Variants in FLG observed in about 807,000 individuals in gnomAD.
FLG encodes the protein epidermal filaggrin.
Under a neutral mutation model 3.8 loss-of-function variants are expected in FLG, and 6 were observed. That is an observed-to-expected ratio of 1.60 (90% confidence interval 0.87 to 3.15). The LOEUF is 3.15. Among genes scored for constraint, FLG ranks in the 30% most tolerant of loss-of-function variants. The pLI, the probability that FLG is intolerant of heterozygous loss-of-function variation, is 0.00. For synonymous variants in FLG, 2,551 were observed against 1,931.6 expected, an observed-to-expected ratio of 1.32 and a Z score of -8.41; for missense variants, 7,595 against 5,050.9, an observed-to-expected ratio of 1.50 and a Z score of -15.27.
chr1:152,305,413 G>A lies in FLG; in HGVS notation c.9473C>T (p.Ser3158Phe). 1 of 1,603,542 alleles carries A rather than the reference G, an allele frequency of 6.2e-7. No individual in the cohort carries two copies. The change falls in exon 3 of 3, where the codon TCC (serine) becomes TTC (phenylalanine). Residue 3158 changes from serine (S) to phenylalanine (F), a missense_variant. By Grantham distance (155) the Ser-to-Phe change is radical. Transcript: ENST00000368799. ...ACGTGTTGTTCTGCTTGCACTTCTG[G>A]ATCCTGACTGCCCACGGGAGGCATC... is the stretch of plus-strand genomic sequence containing the variant. Reference protein sequence around the residue: ...RSDASRGQSGSRSASRTTRNE... With the variant: ...RSDASRGQSGFRSASRTTRNE...
Position 152,308,426 on chromosome 1 carries a change from G to T in FLG, c.6460C>A (p.Gln2154Lys). The change falls in exon 3 of 3, where the codon CAA becomes AAA. Residue 2154 changes from glutamine (Q) to lysine (K), a missense_variant. Coordinates refer to ENST00000368799, the MANE Select transcript of FLG (RefSeq NM_002016.2). ...PSRGGRQGSH[Q>K]EQSVDRSGHS... ...CCAGACCTATCTACCGATTGCTCTTGGTGGGACCCCTGTCTTCCTCCTCTG... is the reference window on the plus strand; with the variant it reads ...CCAGACCTATCTACCGATTGCTCTTTGTGGGACCCCTGTCTTCCTCCTCTG... The T allele has an allele frequency of 9.3e-6, 15 of 1,613,716 alleles. No individual in the cohort carries two copies. Among genetic ancestry groups the T allele is most frequent in the Non-Finnish European group, 1.3e-5 (15 of 1,179,854 alleles).
In FLG at chr1:152,309,456, C is replaced by T. The variant is rs1315567892; in HGVS notation, c.5430G>A (p.Gln1810=). ...SSRHSASQEG[Q]DTIRGHPGSS... ...ACCCTGGGTGTCCACGAATGGTGTC[C>T]TGACCCTCTTGGGACGCTGAGTGCC... is the stretch of plus-strand genomic sequence containing the variant. The change falls in exon 3 of 3, where the codon CAG becomes CAA. Residue 1810 remains glutamine, a synonymous_variant. Transcript: ENST00000368799. 1 of 1,613,140 alleles carries T rather than the reference C, an allele frequency of 6.2e-7. No homozygotes were observed. Among genetic ancestry groups the T allele is most frequent in the Non-Finnish European group, 8.5e-7 (1 of 1,179,902 alleles).
At chr1:152,321,178 T>A (rs1014729686) in intron 1 of FLG, among the ~76,000 whole-genome samples, 98 of 150,824 alleles carry the variant, frequency 6.5e-4, no homozygotes, top group Admixed American at 4.1e-3. Context: ...ACTGTTATCA[T>A]TTTTTATGTG....
chr1:152,307,123 G>A lies in FLG; in HGVS notation c.7763C>T (p.Ser2588Phe), dbSNP rs1652023687. The A allele has an allele frequency of 1.9e-6, 3 of 1,612,102 alleles. No homozygotes were observed. The highest frequency in any genetic ancestry group is 2.5e-6 in the Non-Finnish European group (3 of 1,179,904). ...EDSERWSGSA[S>F]RNHHGSAQEQ... is the part of the protein sequence containing the mutation. ...CTGAGCAGATCCATGATGGTTTCTG[G>A]AAGCAGACCCAGACCACCTCTCAGA... The change falls in exon 3 of 3, where the codon TCC becomes TTC. Residue 2588 changes from serine (S) to phenylalanine (F), a missense_variant. Coordinates refer to ENST00000368799, the MANE Select transcript of FLG (RefSeq NM_002016.2).
chr1:152,314,863 ATCTT>A, intron 2 of FLG, 116 bp from the exon 3 acceptor site: 1 of 1,395,594 alleles, frequency 7.2e-7, no homozygotes, highest in East Asian at 2.4e-5. Flanking sequence ...GTGGGACAAA[ATCTT>A]TTTTTTTTTT....
At position 152,309,560 on chromosome 1, in the gene FLG, C is replaced by G. The variant is rs1652243092; in HGVS notation, c.5326G>C (p.Glu1776Gln). Residue 1776 changes from glutamate to glutamine, a missense_variant, in exon 3 of 3, where the codon GAG (glutamate) becomes CAG (glutamine). Transcript: ENST00000368799. ...GGCCCTGTGCGTCCATGGGCGGACT[C>G]AGACTGTTCATGAGTGCTCACCTGG... ...LYQVSTHEQS[E>Q]SAHGRTGPST... The G allele has an allele frequency of 1.2e-6, 2 of 1,613,858 alleles. No homozygotes were observed. The highest frequency in any genetic ancestry group is 1.7e-5 in the Admixed American group (1 of 60,010).
Position 152,313,147 on chromosome 1 carries a change from C to T in FLG, c.1739G>A (p.Gly580Asp). 3.1e-6 allele frequency: 5 copies of T among 1,613,832 alleles called. No individual in the cohort carries two copies. The highest frequency in any genetic ancestry group is 4.2e-6 in the Non-Finnish European group (5 of 1,179,998). ...ATGACGTGACCCTGAGTGCCTGGTG[C>T]CGTCTCCTGATTGTTCCTCATTTCG... ...QTRNEEQSGDGTRHSGSRHHE... is the reference protein window; with the variant it reads ...QTRNEEQSGDDTRHSGSRHHE... Residue 580 changes from glycine (G) to aspartate (D), a missense_variant, in exon 3 of 3, where the codon GGC becomes GAC. Gly to Asp is a moderately conservative substitution (Grantham distance 94). Transcript: ENST00000368799.
rs115324644 is a variant in FLG at position 152,310,950 on chromosome 1, A to C, written c.3936T>G (p.His1312Gln). ...SRDGSRHPGF[H>Q]QEDRASHGHS... ...GCCCGTGACTGGCTCTGTCTTCTTG[A>C]TGGAACCCAGGGTGTCTGGAGCCAT... The change falls in exon 3 of 3, where the codon CAT becomes CAG. Residue 1312 changes from histidine (H) to glutamine (Q), a missense_variant. Coordinates refer to ENST00000368799, the MANE Select transcript of FLG (RefSeq NM_002016.2). 1.2e-6 allele frequency: 2 copies of C among 1,613,736 alleles called. No homozygotes were observed. Among genetic ancestry groups the C allele is most frequent in the Middle Eastern group, 1.7e-4 (1 of 6,060 alleles).
Position 152,312,955 on chromosome 1 carries a change from T to C in FLG, c.1931A>G (p.Asn644Ser). The C allele has an allele frequency of 3.1e-6, 5 of 1,613,854 alleles. No homozygotes were observed. Among genetic ancestry groups the C allele is most frequent in the African/African-American group, 2.7e-5 (2 of 74,848 alleles). ...SERWSGSASR[N>S]HHGSAQEQSR... is the part of the protein sequence containing the mutation. ...CTGCTCCTGAGCAGATCCATGATGG[T>C]TTCTGGAAGCAGACCCAGACCACCT... Residue 644 changes from asparagine (N) to serine (S), a missense_variant, in exon 3 of 3, where the codon AAC becomes AGC. Physicochemically the swap from Asn to Ser is conservative, Grantham distance 46. Transcript: ENST00000368799.
At chr1:152,325,018 T>A (rs10157860) in intron 1 of FLG, among the ~76,000 whole-genome samples, 171 bp downstream of exon 1, 5,760 of 151,840 alleles carry the variant, frequency 0.038, 356 homozygotes, top group African/African-American at 0.13. Context: ...GAAAGCAAAT[T>A]TATGCCCTCA....
chr1:152,303,141 A>G lies in FLG; in HGVS notation c.11745T>C (p.Ser3915=). The G allele has an allele frequency of 6.2e-7, 1 of 1,614,162 alleles. No homozygotes were observed. Among genetic ancestry groups the G allele is most frequent in the Non-Finnish European group, 8.5e-7 (1 of 1,180,024 alleles). ...TACTAGAGTCTGACTGTACAGGTGAAGACTGTACATGACTGGCTGTATCGC... is the reference window on the plus strand; with the variant it reads ...TACTAGAGTCTGACTGTACAGGTGAGGACTGTACATGACTGGCTGTATCGC... ...SHRDTASHVQ[S]SPVQSDSSTA... Residue 3915 remains serine (S), a synonymous_variant, in exon 3 of 3, where the codon TCT becomes TCC. Transcript: ENST00000368799.
chr1:152,312,470 A>C lies in FLG; in HGVS notation c.2416T>G (p.Ser806Ala), dbSNP rs1652517768. 5.6e-6 allele frequency: 9 copies of C among 1,613,248 alleles called. No individual in the cohort carries two copies. The highest frequency in any genetic ancestry group is 2.2e-5 in the South Asian group (2 of 91,004). ...GTGCTGGGCCCTGTCCATCCATGGGAGGACTCAGACTGTTTATGAGTGCTC... is the reference window on the plus strand; with the variant it reads ...GTGCTGGGCCCTGTCCATCCATGGGCGGACTCAGACTGTTTATGAGTGCTC... ...QVSTHKQSES[S>A]HGWTGPSTGV... Residue 806 changes from serine (S) to alanine (A), a missense_variant, in exon 3 of 3, where the codon TCC (serine) becomes GCC (alanine). Coordinates refer to ENST00000368799, the MANE Select transcript of FLG (RefSeq NM_002016.2).
chr1:152,307,438 T>A lies in FLG; in HGVS notation c.7448A>T (p.Asp2483Val). Residue 2483 changes from aspartate to valine, a missense_variant, in exon 3 of 3, where the codon GAT becomes GTT. Coordinates refer to ENST00000368799, the MANE Select transcript of FLG (RefSeq NM_002016.2). ...ATGAGACCCTGAGTGTCCAGATCTA[T>A]CTACCAATTGCTCGTAGTGGGATCC... ...RQGSHYEQLVDRSGHSGSHHS... is the reference protein window; with the variant it reads ...RQGSHYEQLVVRSGHSGSHHS... The A allele has an allele frequency of 6.2e-7, 1 of 1,613,248 alleles. No individual in the cohort carries two copies. The highest frequency in any genetic ancestry group is 2.2e-5 in the East Asian group (1 of 44,736).
Position 152,302,463 on chromosome 1 carries a change from T to C in FLG, c.*237A>G. 10 of 550,342 alleles carry C rather than the reference T, an allele frequency of 1.8e-5. No homozygotes were observed. Among genetic ancestry groups the C allele is most frequent in the Middle Eastern group, 5.0e-4 (1 of 2,006 alleles). 34.1% of individuals were successfully genotyped at this position (550,342 alleles called of 1,614,324 possible). A position where few individuals can be genotyped will look rare whatever the true frequency, so the allele number is the denominator to read the frequency against. Reference sequence around the variant, plus strand: ...TCTCCTAAAATACTCCAGCTAGTTTTCTAAAGTTAGCTCTCCATGATATTG... The same window carrying C: ...TCTCCTAAAATACTCCAGCTAGTTTCCTAAAGTTAGCTCTCCATGATATTG... On this transcript the variant is annotated 3_prime_UTR_variant, in exon 3 of 3. Coordinates refer to ENST00000368799, the MANE Select transcript of FLG (RefSeq NM_002016.2).
chr1:152,319,506 G>A (rs1200817704), intron 1 of FLG, among the ~76,000 whole-genome samples: 1 of 151,286 alleles, frequency 6.6e-6, no homozygotes, highest in Non-Finnish European at 1.5e-5. Flanking sequence ...CCAAGCAGGA[G>A]ATATAAAAGA....
chr1:152,311,330 C>T lies in FLG; in HGVS notation c.3556G>A (p.Asp1186Asn), dbSNP rs1652405602. ...TGGGACCCTGAGTGTCCAGATCTAT[C>T]TACCGATTGCTCATGGTGGGATCCC... ...RQGSHHEQSV[D>N]RSGHSGSHHS... is the part of the protein sequence containing the mutation. The change falls in exon 3 of 3, where the codon GAT becomes AAT. Residue 1186 changes from aspartate to asparagine, a missense_variant. Physicochemically the swap from Asp to Asn is conservative, Grantham distance 23. Transcript: ENST00000368799. 1.2e-6 allele frequency: 2 copies of T among 1,613,902 alleles called. No individual in the cohort carries two copies. Among genetic ancestry groups the T allele is most frequent in the Non-Finnish European group, 1.7e-6 (2 of 1,179,976 alleles).
chr1:152,311,342 C>T lies in FLG; in HGVS notation c.3544G>A (p.Glu1182Lys), dbSNP rs1652407979. Residue 1182 changes from glutamate (E) to lysine (K), a missense_variant, in exon 3 of 3, where the codon GAG becomes AAG. Physicochemically the swap from Glu to Lys is moderately conservative, Grantham distance 56. Transcript: ENST00000368799. ...RRGGRQGSHH[E>K]QSVDRSGHSG... ...TGTCCAGATCTATCTACCGATTGCTCATGGTGGGATCCCTGCCTTCCTCCT... is the reference window on the plus strand; with the variant it reads ...TGTCCAGATCTATCTACCGATTGCTTATGGTGGGATCCCTGCCTTCCTCCT... 1.9e-6 allele frequency: 3 copies of T among 1,613,834 alleles called. No individual in the cohort carries two copies. Among genetic ancestry groups the T allele is most frequent in the East Asian group, 2.2e-5 (1 of 44,834 alleles).
rs758093397 is a variant in FLG at position 152,305,672 on chromosome 1, A to T, written c.9214T>A (p.Ser3072Thr). 49 of 1,397,310 alleles carry T rather than the reference A, an allele frequency of 3.5e-5. 1 individual carries two copies. The highest frequency in any genetic ancestry group is 2.0e-4 in the Middle Eastern group (1 of 5,030). 86.6% of individuals were successfully genotyped at this position (1,397,310 alleles called of 1,614,324 possible). Residue 3072 changes from serine (S) to threonine (T), a missense_variant, in exon 3 of 3, where the codon TCT becomes ACT. Physicochemically the swap from Ser to Thr is moderately conservative, Grantham distance 58. Coordinates refer to ENST00000368799, the MANE Select transcript of FLG (RefSeq NM_002016.2). The stretch of plus-strand genomic sequence containing the variant: ...CCCGTCCATCCATGGGAGGACTCAG[A>T]CTGTTCATGAGTGCTCACCTGGTAG... ...FLYQVSTHEQ[S>T]ESSHGWTGPS...
rs764577708 is a variant in FLG, at chr1:152,308,721, G to T, written c.6165C>A (p.Asp2055Glu). 9 of 1,613,940 alleles carry T rather than the reference G, an allele frequency of 5.6e-6. No individual in the cohort carries two copies. In the Admixed American group the frequency reaches 1.2e-4, roughly 21 times the overall value. The change falls in exon 3 of 3, where the codon GAC (aspartate) becomes GAA (glutamate). Residue 2055 changes from aspartate (D) to glutamate (E), a missense_variant. Physicochemically the swap from Asp to Glu is conservative, Grantham distance 45. Transcript: ENST00000368799. ...SDSEGHSEDS[D>E]TQSVSAQGKA... The stretch of plus-strand genomic sequence containing the variant: ...TTCCCTGTGCTGACACTGACTGTGT[G>T]TCTGAGTCTTCTGAATGTCCCTCAC...
Sources: gnomAD v4.1 joint callset for allele counts (sites outside exome capture counted in the v4.1 genomes callset) on GRCh38, gnomAD v4.1.1 for gene constraint, MANE v1.5 for transcripts, NCBI Gene and HGNC (gene_info 2026-07-23, HGNC 2026-07-21) for gene names.